CNTN5: variants seen among roughly 807,000 people sequenced by gnomAD.
CNTN5 encodes the protein contactin-5.
In CNTN5, 77 loss-of-function variants were observed where a neutral mutation model predicts 129.1. The ratio of observed to expected loss-of-function variants is 0.60; its 90% CI spans 0.50 to 0.72. CNTN5 has a LOEUF of 0.72. CNTN5 is among the 30% of genes least tolerant of loss of function. CNTN5 has a pLI of 0.00. For missense variants in CNTN5, 1,478 were observed against 1,328.8 expected, an observed-to-expected ratio of 1.11 and a Z score of -1.75; for synonymous variants, 509 against 465.6, an observed-to-expected ratio of 1.09 and a Z score of -1.20.
At chr11:99,765,210 G>A (rs1944712509) in intron 3 of CNTN5, among the ~76,000 whole-genome samples, 1 of 151,550 alleles carries the variant, frequency 6.6e-6, no homozygotes, top group Non-Finnish European at 1.5e-5. Context: ...TGTTTAAGTG[G>A]GATATAAAGT....
intron 7 of CNTN5, among the ~76,000 whole-genome samples, chr11:99,933,242 G>C (rs1002161535): frequency 9.2e-5 from 14 of 152,048 alleles, no homozygotes; most frequent in Admixed American, 3.3e-4. Context: ...TCTTCATTTA[G>C]GAATTTCAAT....
chr11:99,240,636 C>T (rs934245143), intron 1 of CNTN5, among the ~76,000 whole-genome samples: 1 of 152,012 alleles, frequency 6.6e-6, no homozygotes, highest in African/African-American at 2.4e-5. Context: ...CTTTTGGATC[C>T]CTAAACCTTT....
intron 3 of CNTN5, among the ~76,000 whole-genome samples, chr11:99,664,941 T>C (rs2135928471): frequency 6.6e-6 from 1 of 152,308 alleles, no homozygotes; most frequent in Non-Finnish European, 1.5e-5. Flanking sequence ...CAGAATCTTT[T>C]TCCTGGTAGC....
intron 20 of CNTN5, among the ~76,000 whole-genome samples, chr11:100,303,991 G>A (rs1951289211): frequency 6.6e-6 from 1 of 151,524 alleles, no homozygotes. Context: ...GATTAATGCT[G>A]TTGCTCTAAG....
chr11:99,624,703 AC>A (rs1951067688), intron 3 of CNTN5, among the ~76,000 whole-genome samples: 1 of 152,162 alleles, frequency 6.6e-6, no homozygotes, highest in South Asian at 2.1e-4. Flanking sequence ...TCTGAGAAGC[AC>A]CCTGCCACAG....
At chr11:100,190,488 T>G (rs1948447249) in intron 13 of CNTN5, among the ~76,000 whole-genome samples, 1 of 152,126 alleles carries the variant, frequency 6.6e-6, no homozygotes, top group African/African-American at 2.4e-5. Flanking sequence ...CGCTTTAATT[T>G]TTCACCTTCA....
intron 9 of CNTN5, among the ~76,000 whole-genome samples, chr11:100,002,687 C>G (rs1452578933): frequency 6.6e-6 from 1 of 152,036 alleles, no homozygotes; most frequent in Non-Finnish European, 1.5e-5. Flanking sequence ...ATGCTAATGC[C>G]TGCCATATTT....
At chr11:100,038,585 A>G (rs982818423) in intron 9 of CNTN5, among the ~76,000 whole-genome samples, 2 of 151,988 alleles carry the variant, frequency 1.3e-5, no homozygotes, top group African/African-American at 4.8e-5. Context: ...ATCTCCCATT[A>G]TTATTGTGTG....
At chr11:100,065,634 A>G (rs761934915) in intron 10 of CNTN5, among the ~76,000 whole-genome samples, 4 of 152,112 alleles carry the variant, frequency 2.6e-5, no homozygotes, top group South Asian at 2.1e-4. Flanking sequence ...CCAGAATCCA[A>G]CTGAAACTGG....
chr11:99,076,177 A>C (rs1228758431), intron 1 of CNTN5, among the ~76,000 whole-genome samples: 1 of 151,970 alleles, frequency 6.6e-6, no homozygotes, highest in East Asian at 1.9e-4. Context: ...CCACTGAAAA[A>C]AAAGAAAATT....
intron 8 of CNTN5, among the ~76,000 whole-genome samples, chr11:99,992,673 T>A (rs1347745937): frequency 1.3e-5 from 2 of 152,204 alleles, no homozygotes; most frequent in African/African-American, 4.8e-5. Context: ...GTTTTGGCTC[T>A]CTGTTCTGTA....
intron 9 of CNTN5, among the ~76,000 whole-genome samples, chr11:100,013,111 C>T (rs1032706817): frequency 8.5e-5 from 13 of 152,162 alleles, no homozygotes; most frequent in Admixed American, 5.9e-4. Context: ...CACATGTTCT[C>T]ACTTACAAAT....
At chr11:99,401,648 T>G (rs1317911500) in intron 2 of CNTN5, among the ~76,000 whole-genome samples, 1 of 152,142 alleles carries the variant, frequency 6.6e-6, no homozygotes, top group East Asian at 1.9e-4. Context: ...AGGTACTGCA[T>G]TGAATCTGTA....
At chr11:100,009,220 T>G (rs1047826094) in intron 9 of CNTN5, among the ~76,000 whole-genome samples, 4 of 152,126 alleles carry the variant, frequency 2.6e-5, no homozygotes, top group Admixed American at 6.6e-5. Context: ...TCAGATGTTT[T>G]CTCTACAGGC....
chr11:100,331,442 C>G (rs778759727), intron 21 of CNTN5, among the ~76,000 whole-genome samples: 5 of 152,066 alleles, frequency 3.3e-5, no homozygotes, highest in Non-Finnish European at 7.4e-5. Context: ...AGAAAGTCAA[C>G]AAAGAAACAA....
chr11:99,774,310 G>GATT (rs1468376409), intron 3 of CNTN5, among the ~76,000 whole-genome samples: 1 of 151,304 alleles, frequency 6.6e-6, no homozygotes, highest in Non-Finnish European at 1.5e-5. Flanking sequence ...ATTGTTAAAT[G>GATT]ATTAGCTTTA....
chr11:99,030,099 G>C (rs1863295669), intron 1 of CNTN5, among the ~76,000 whole-genome samples: 2 of 152,124 alleles, frequency 1.3e-5, no homozygotes, highest in Non-Finnish European at 2.9e-5. Flanking sequence ...CTTAGACTCA[G>C]GTTTAACCCA....
At chr11:100,086,338 C>T (rs1470528176) in intron 13 of CNTN5, among the ~76,000 whole-genome samples, 2 of 149,650 alleles carry the variant, frequency 1.3e-5, no homozygotes, top group Non-Finnish European at 1.5e-5. Context: ...GTTTCAACAA[C>T]GAGCTAGCAA....
At chr11:99,927,269 T>C (rs1950083758) in intron 7 of CNTN5, among the ~76,000 whole-genome samples, 1 of 152,174 alleles carries the variant, frequency 6.6e-6, no homozygotes, top group Non-Finnish European at 1.5e-5. Flanking sequence ...CAAATGGTAA[T>C]ATTGAAGCTC....
Sources: allele counts gnomAD v4.1 joint callset (sites outside exome capture counted in the v4.1 genomes callset), GRCh38; gene constraint gnomAD v4.1.1; transcripts MANE v1.5; gene names NCBI Gene and HGNC (gene_info 2026-07-23, HGNC 2026-07-21).